HEATR5B: variants seen among roughly 807,000 people sequenced by gnomAD.
The protein encoded by HEATR5B is HEAT repeat-containing protein 5B.
HEATR5B carries 156 observed loss-of-function variants against 224.1 expected under a neutral mutation model. The observed-to-expected ratio is 0.70, with a 90% CI of 0.61 to 0.80. HEATR5B has a LOEUF of 0.80. Ranked by LOEUF, HEATR5B falls within the 30% of genes least tolerant of loss-of-function variation. The pLI is 0.00. For missense variants in HEATR5B, 2,323 were observed against 2,535.5 expected, an observed-to-expected ratio of 0.92 and a Z score of 1.80; for synonymous variants, 1,027 against 893.0, an observed-to-expected ratio of 1.15 and a Z score of -2.68.
intron 17 of HEATR5B, among the ~76,000 whole-genome samples, chr2:37,050,716 T>C (rs1020063420): frequency 6.6e-6 from 1 of 152,198 alleles, no homozygotes; most frequent in East Asian, 1.9e-4. Context: ...GACAATTATA[T>C]GACTTAAACA....
At position 37,060,536 on chromosome 2, in the gene HEATR5B, T is replaced by C. The variant is rs183454595; in HGVS notation, c.1849+45A>G. The C allele has an allele frequency of 1.2e-4, 170 of 1,445,976 alleles. No individual in the cohort carries two copies. In the East Asian group the frequency reaches 4.0e-3, roughly 34 times the overall value. 89.6% of individuals were successfully genotyped at this position (1,445,976 alleles called of 1,614,324 possible). ...TTTTTCTTTTACTTTACAAATATTT[T>C]AGTTATGTCATAATATTGTGAAGCA... On this transcript the variant is annotated intron_variant, in intron 12 of 35. Transcript: ENST00000233099.
intron 5 of HEATR5B, among the ~76,000 whole-genome samples, chr2:37,073,229 T>C (rs1459851297): frequency 6.6e-6 from 1 of 152,124 alleles, no homozygotes; most frequent in South Asian, 2.1e-4. Context: ...TACAATAATA[T>C]ATAATAAGGA....
At position 37,029,532 on chromosome 2, in the gene HEATR5B, C is replaced by T. The variant is rs572706795; in HGVS notation, c.3362-612G>A. Among the ~76,000 whole-genome samples the T allele has an allele frequency of 1.1e-4, 16 of 152,132 alleles. No homozygotes were observed. In the South Asian group the frequency reaches 1.9e-3, roughly 18 times the overall value. ...TACAAAATTTAGCTGGGCATGGTGG[C>T]GGGTGTCTGTAATCCCAGCTACTCA... On this transcript the variant is annotated intron_variant, in intron 22 of 35. Transcript: ENST00000233099.
chr2:37,022,883 C>A (rs188222736), intron 24 of HEATR5B, among the ~76,000 whole-genome samples: 1 of 151,676 alleles, frequency 6.6e-6, no homozygotes, highest in Non-Finnish European at 1.5e-5. Flanking sequence ...GCACTAATAT[C>A]GTAAAATTTA....
intron 20 of HEATR5B, 80 bp from the exon 21 acceptor site, chr2:37,038,104 T>G: frequency 2.1e-6 from 2 of 946,066 alleles, no homozygotes. Flanking sequence ...ACAATTATCC[T>G]CTAAATAACC....
intron 2 of HEATR5B, among the ~76,000 whole-genome samples, chr2:37,080,286 T>A (rs995807356): frequency 5.3e-5 from 8 of 152,132 alleles, no homozygotes; most frequent in African/African-American, 1.9e-4. Context: ...TGAGTAAGAG[T>A]TTGAAGCAGA....
intron 10 of HEATR5B, among the ~76,000 whole-genome samples, chr2:37,062,361 C>G (rs902798562): frequency 1.2e-4 from 18 of 151,954 alleles, no homozygotes; most frequent in Admixed American, 6.6e-5. Context: ...ACTGGGGAGG[C>G]GGAGGTTGCA....
chr2:37,044,812 T>C (rs928558071), intron 18 of HEATR5B, among the ~76,000 whole-genome samples: 8 of 152,208 alleles, frequency 5.3e-5, no homozygotes, highest in Non-Finnish European at 8.8e-5. Context: ...CAGAAGTCAC[T>C]GAGACTCTGT....
chr2:37,016,199 G>A (rs1367397093), intron 26 of HEATR5B, among the ~76,000 whole-genome samples: 2 of 146,662 alleles, frequency 1.4e-5, no homozygotes, highest in South Asian at 2.1e-4. Context: ...TGCAACCTCC[G>A]CCTCCCAGGT....
At chr2:37,016,960 A>T (rs1253780641) in intron 26 of HEATR5B, among the ~76,000 whole-genome samples, 1 of 152,208 alleles carries the variant, frequency 6.6e-6, no homozygotes, top group Non-Finnish European at 1.5e-5. Context: ...TATGAACATG[A>T]AAAGAAAGAG....
intron 20 of HEATR5B, among the ~76,000 whole-genome samples, chr2:37,039,702 G>T (rs951218006): frequency 2.6e-5 from 4 of 152,168 alleles, no homozygotes; most frequent in African/African-American, 7.2e-5. Context: ...TCTGAAAGTG[G>T]TTTATATATT....
intron 1 of HEATR5B, 51 bp downstream of exon 1, chr2:37,084,218 A>G (rs946162838): frequency 4.7e-5 from 17 of 361,054 alleles, no homozygotes; most frequent in Non-Finnish European, 8.4e-5. Context: ...CTGAAAATGT[A>G]CGTCGGACAG....
intron 16 of HEATR5B, among the ~76,000 whole-genome samples, chr2:37,054,841 T>A (rs1420153314): frequency 1.3e-5 from 2 of 152,128 alleles, no homozygotes; most frequent in Non-Finnish European, 2.9e-5. Flanking sequence ...AAAGAAATGA[T>A]GTGAAACAAA....
intron 18 of HEATR5B, among the ~76,000 whole-genome samples, chr2:37,043,979 T>G (rs1382981318): frequency 6.6e-6 from 1 of 152,208 alleles, no homozygotes; most frequent in African/African-American, 2.4e-5. Flanking sequence ...TGGCCTCAAG[T>G]GATCCTCCTG....
intron 11 of HEATR5B, 93 bp from the exon 12 acceptor site, chr2:37,060,826 A>G: frequency 1.0e-6 from 1 of 1,002,400 alleles, no homozygotes; most frequent in Non-Finnish European, 1.5e-6. Flanking sequence ...AACTTTATGT[A>G]ATTTTAGAGA....
intron 16 of HEATR5B, among the ~76,000 whole-genome samples, chr2:37,054,480 A>G (rs1034609453): frequency 2.7e-4 from 20 of 75,234 alleles, no homozygotes; most frequent in Non-Finnish European, 4.0e-4. Flanking sequence ...TGTGCTCTGC[A>G]TTTTTTTTTT....
intron 20 of HEATR5B, among the ~76,000 whole-genome samples, chr2:37,038,485 A>G (rs542563196): frequency 2.3e-4 from 35 of 152,218 alleles, no homozygotes; most frequent in Non-Finnish European, 4.6e-4. Context: ...TAAAAATCAC[A>G]TAAGAGCTAC....
Position 37,068,709 on chromosome 2 carries a change from T to C in HEATR5B, c.1149A>G (p.Gln383=), listed in dbSNP as rs748447125. 3.7e-6 allele frequency: 6 copies of C among 1,614,064 alleles called. No homozygotes were observed. Among genetic ancestry groups the C allele is most frequent in the South Asian group, 3.3e-5 (3 of 91,088 alleles). Residue 383 remains glutamine (Q), a synonymous_variant, in exon 8 of 36, where the codon CAA becomes CAG. Transcript: ENST00000233099. ...CGGCTTTCATTTGTTTTCCAATAGC[T>C]TGGCAGATTTCTTTGGCAGCTGCAA... The part of the protein sequence containing the change: ...AQIAAAKEIC[Q]AIGKQMKAVE...
chr2:36,991,386 T>C (rs1666317950), intron 33 of HEATR5B, among the ~76,000 whole-genome samples: 1 of 151,608 alleles, frequency 6.6e-6, no homozygotes. Context: ...TCCCAGCTAC[T>C]TGGGAGGCTG....
Sources: allele counts gnomAD v4.1 joint callset (sites outside exome capture counted in the v4.1 genomes callset), GRCh38; gene constraint gnomAD v4.1.1; transcripts MANE v1.5; gene names NCBI Gene and HGNC (gene_info 2026-07-23, HGNC 2026-07-21).